Variants in TACC2 observed in about 807,000 individuals in gnomAD.
TACC2 encodes the protein transforming acidic coiled-coil containing protein 2.
TACC2 carries 137 observed loss-of-function variants against 227.3 expected under a neutral mutation model. The observed-to-expected ratio is 0.60, with a 90% confidence interval of 0.52 to 0.69. The LOEUF (loss-of-function observed/expected upper bound fraction) is 0.69, where lower values mean the gene tolerates loss of function less well. TACC2 is among the 30% of genes least tolerant of loss of function. The probability of loss-of-function intolerance (pLI) is 0.00; values close to 1 mark genes in which losing one functional copy is unlikely to be tolerated. For synonymous variants in TACC2, 1,523 were observed against 1,487.5 expected, an observed-to-expected ratio of 1.02 and a Z score of -0.55; for missense variants, 3,470 against 3,694.4, an observed-to-expected ratio of 0.94 and a Z score of 1.57.
intron 7 of TACC2, among the ~76,000 whole-genome samples, chr10:122,178,029 C>T (rs1173513848): frequency 6.6e-6 from 1 of 152,132 alleles, no homozygotes; most frequent in Admixed American, 6.5e-5. Context: ...TGGGCTGCTA[C>T]AACAAAATCC....
At chr10:122,231,081 C>T (rs370835584) in intron 16 of TACC2, among the ~76,000 whole-genome samples, 8 of 152,170 alleles carry the variant, frequency 5.3e-5, no homozygotes, top group East Asian at 1.9e-4. Context: ...TTACAAAAAA[C>T]GGCAGTGGGC....
chr10:122,063,194 A>C (rs1428196996), intron 3 of TACC2, among the ~76,000 whole-genome samples: 1 of 152,228 alleles, frequency 6.6e-6, no homozygotes, highest in African/African-American at 2.4e-5. Context: ...GAAAGATCTA[A>C]GCTGTGTTTT....
chr10:122,128,309 G>T (rs1310717171), intron 5 of TACC2, among the ~76,000 whole-genome samples: 3 of 152,188 alleles, frequency 2.0e-5, no homozygotes, highest in Admixed American at 6.5e-5. Flanking sequence ...TGTCATAGTT[G>T]CCGAGGACGG....
chr10:122,168,926 GTTTCTTCCCTTTA>G (rs2093335243), intron 7 of TACC2, among the ~76,000 whole-genome samples: 1 of 152,210 alleles, frequency 6.6e-6, no homozygotes, highest in South Asian at 2.1e-4. Context: ...GAACAATTCT[GTTTCTTCCCTTTA>G]AGATTAATGG....
At chr10:122,115,668 G>A (rs116428216) in intron 5 of TACC2, among the ~76,000 whole-genome samples, 1,601 of 152,322 alleles carry the variant, frequency 0.011, 34 homozygotes, top group African/African-American at 0.037. Flanking sequence ...GCCCAGCTCT[G>A]GGCTGTAAGC....
chr10:122,085,786 C>T lies in TACC2; in HGVS notation c.3286C>T (p.Pro1096Ser), dbSNP rs1197343035. 1.9e-6 allele frequency: 3 copies of T among 1,613,692 alleles called. No homozygotes were observed. Among genetic ancestry groups the T allele is most frequent in the South Asian group, 2.2e-5 (2 of 91,058 alleles). The change falls in exon 4 of 23, where the codon CCG becomes TCG. Residue 1096 changes from proline to serine, a missense_variant. Pro to Ser is a moderately conservative substitution (Grantham distance 74, BLOSUM62 -1). This residue lies in a region of TACC2 where 1,924 missense variants were observed against 1,978.3 expected (regional missense o/e 0.97). Coordinates refer to ENST00000369005, the MANE Select transcript of TACC2 (RefSeq NM_206862.4). ...QEGRQQPVPA[P>S]QQKMECWATS... ...AGGCAGGCAGCAACCAGTGCCGGCC[C>T]CGCAGCAGAAAATGGAGTGCTGGGC... is the stretch of plus-strand genomic sequence containing the variant.
At chr10:122,120,716 A>C (rs4457688) in intron 5 of TACC2, among the ~76,000 whole-genome samples, 102,503 of 151,980 alleles carry the variant, frequency 0.67, 37,918 homozygotes, top group South Asian at 0.82. Context: ...GGTGCTCATA[A>C]ACATTGATTC....
intron 2 of TACC2, among the ~76,000 whole-genome samples, chr10:122,030,666 C>T (rs1958828010): frequency 1.3e-5 from 2 of 151,344 alleles, no homozygotes; most frequent in East Asian, 2.0e-4. Flanking sequence ...GTTTTCACTT[C>T]TCCAACCTCA....
At chr10:122,153,081 C>T (rs1390355823) in intron 7 of TACC2, among the ~76,000 whole-genome samples, 5 of 145,828 alleles carry the variant, frequency 3.4e-5, no homozygotes, top group East Asian at 4.1e-4. Flanking sequence ...CTGCAGCCTC[C>T]GCCTCCCAGG....
intron 7 of TACC2, among the ~76,000 whole-genome samples, chr10:122,183,910 G>A (rs994725577): frequency 2.0e-5 from 3 of 152,206 alleles, no homozygotes; most frequent in Non-Finnish European, 4.4e-5. Context: ...GAGGACTTGA[G>A]CATCTTGAGA....
At chr10:122,212,908 G>A (rs986530841) in intron 9 of TACC2, among the ~76,000 whole-genome samples, 2 of 152,042 alleles carry the variant, frequency 1.3e-5, no homozygotes, top group African/African-American at 4.8e-5. Context: ...AATAGGAGAA[G>A]TCTGCAATGG....
At chr10:122,040,363 C>T (rs761693477) in intron 2 of TACC2, among the ~76,000 whole-genome samples, 1 of 152,126 alleles carries the variant, frequency 6.6e-6, no homozygotes, top group African/African-American at 2.4e-5. Flanking sequence ...TGTCTCCACT[C>T]GACAGCCCTT....
At chr10:122,021,233 A>C (rs1240399920) in intron 1 of TACC2, among the ~76,000 whole-genome samples, 1 of 149,720 alleles carries the variant, frequency 6.7e-6, no homozygotes, top group Non-Finnish European at 1.5e-5. Flanking sequence ...CATCTCGAAA[A>C]AAAAAAGGCG....
intron 8 of TACC2, among the ~76,000 whole-genome samples, chr10:122,199,726 C>A (rs1375593479): frequency 6.6e-6 from 1 of 152,198 alleles, no homozygotes; most frequent in Admixed American, 6.5e-5. Flanking sequence ...TAACCATAGA[C>A]CAGGTACCTG....
At chr10:121,999,199 G>A (rs180938967) in intron 1 of TACC2, among the ~76,000 whole-genome samples, 1 of 152,058 alleles carries the variant, frequency 6.6e-6, no homozygotes, top group African/African-American at 2.4e-5. Context: ...AGTAGAGACA[G>A]GGTTTCACCG....
intron 7 of TACC2, among the ~76,000 whole-genome samples, chr10:122,182,033 T>C (rs2093986819): frequency 6.6e-6 from 1 of 152,234 alleles, no homozygotes; most frequent in African/African-American, 2.4e-5. Flanking sequence ...ACTAAGCTGT[T>C]GTAGCTTCTC....
rs567027778 is a variant in TACC2, at chr10:122,102,735, G to A, written c.5573+14144G>A. ...CAGCACTTTGGCTCATGGAACACAC[G>A]TCTGTCCGAGCAGTGCAGACCTGGC... On this transcript the variant is annotated intron_variant, in intron 5 of 22. Transcript: ENST00000369005. Among the ~76,000 whole-genome samples, 11 of 152,290 alleles carry A rather than the reference G, an allele frequency of 7.2e-5. No individual in the cohort carries two copies. The South Asian group carries it at 1.9e-3, about 26-fold the overall frequency.
intron 1 of TACC2, among the ~76,000 whole-genome samples, chr10:121,991,689 C>A (rs1590814036): frequency 6.6e-6 from 1 of 152,184 alleles, no homozygotes; most frequent in South Asian, 2.1e-4. Flanking sequence ...GGGAACTGCA[C>A]TGTTGTTTAC....
At chr10:122,088,669 G>A (rs1256010598) in intron 5 of TACC2, 78 bp downstream of exon 5, 20 of 1,561,902 alleles carry the variant, frequency 1.3e-5, no homozygotes, top group Non-Finnish European at 1.6e-5. Flanking sequence ...TTGGAAAGGA[G>A]AGTAGTCCTT....
Sources: allele counts gnomAD v4.1 joint callset (sites outside exome capture counted in the v4.1 genomes callset), GRCh38; gene constraint gnomAD v4.1.1; regional missense constraint gnomAD v4.1.1; transcripts MANE v1.5; gene names NCBI Gene and HGNC (gene_info 2026-07-23, HGNC 2026-07-21).